Variants in ZPBP observed in about 807,000 individuals in gnomAD.
ZPBP encodes zona pellucida-binding protein 1.
ZPBP carries 26 observed loss-of-function variants against 44.8 expected under a neutral mutation model. The ratio of observed to expected loss-of-function variants is 0.58; its 90% CI spans 0.43 to 0.81. The LOEUF (loss-of-function observed/expected upper bound fraction) is 0.81, where lower values mean the gene tolerates loss of function less well. Ranked by LOEUF, ZPBP falls within the 30% of genes least tolerant of loss-of-function variation. The pLI, the probability that ZPBP is intolerant of heterozygous loss-of-function variation, is 0.00. For synonymous variants in ZPBP, 174 were observed against 153.2 expected (o/e 1.14, Z -1.00); for missense variants, 409 against 434.0 (o/e 0.94, Z 0.51).
At chr7:50,001,138 T>G (rs1192502338) in intron 6 of ZPBP, among the ~76,000 whole-genome samples, 1 of 152,184 alleles carries the variant, frequency 6.6e-6, no homozygotes, top group East Asian at 1.9e-4. Context: ...TTATACTGTT[T>G]AAGCCTGCTG....
In ZPBP at chr7:49,917,000, C is replaced by G. The variant is rs147811190; in HGVS notation, n.412-15785G>C. On this transcript the variant is annotated intron_variant and non_coding_transcript_variant, in intron 1 of 2. Transcript: ENST00000465922. ...ACTGGCCCTTTATGATAAAGGAAGT[C>G]AAGTTTACAGTTTTGATATTTGTTT... 2.0e-5 allele frequency: 3 copies of G among 152,298 alleles called. No homozygotes were observed. The East Asian group carries it at 5.8e-4, about 29-fold the overall frequency. 9.4% of individuals were successfully genotyped at this position (152,298 alleles called of 1,614,324 possible).
intron 6 of ZPBP, among the ~76,000 whole-genome samples, chr7:49,993,868 G>A (rs1175906907): frequency 6.8e-6 from 1 of 148,136 alleles, no homozygotes; most frequent in Non-Finnish European, 1.5e-5. Flanking sequence ...ATGACTGGTA[G>A]CTGAGGAGAA....
At chr7:49,871,865 A>T (rs1241985782) in intron 2 of ZPBP, among the ~76,000 whole-genome samples, 1 of 148,126 alleles carries the variant, frequency 6.8e-6, no homozygotes, top group Non-Finnish European at 1.5e-5. Flanking sequence ...ATACATACAT[A>T]TGTGCATATA....
intron 2 of ZPBP, among the ~76,000 whole-genome samples, chr7:49,899,615 A>C (rs1011695245): frequency 1.3e-5 from 2 of 152,056 alleles, no homozygotes; most frequent in Non-Finnish European, 2.9e-5. Flanking sequence ...CAATTATTCA[A>C]GAAGACACAC....
chr7:49,973,042 G>T (rs547159654), intron 7 of ZPBP, among the ~76,000 whole-genome samples: 30 of 151,878 alleles, frequency 2.0e-4, no homozygotes, highest in African/African-American at 7.0e-4. Context: ...GAATGAAGTT[G>T]GACCCTTAAC....
At chr7:49,995,206 C>T (rs931128706) in intron 6 of ZPBP, among the ~76,000 whole-genome samples, 1 of 152,182 alleles carries the variant, frequency 6.6e-6, no homozygotes. Context: ...AATGGACCAG[C>T]GTGATATCTT....
chr7:50,013,107 G>T (rs1260128311), intron 6 of ZPBP, among the ~76,000 whole-genome samples: 1 of 151,798 alleles, frequency 6.6e-6, no homozygotes, highest in African/African-American at 2.4e-5. Context: ...AATGCAAAAA[G>T]AAGATAATTT....
At chr7:49,943,258 C>A in intron 7 of ZPBP, 1 of 298,974 alleles carries the variant, frequency 3.3e-6, no homozygotes. Context: ...AGTACAACAT[C>A]AATGCAGTCT....
intron 3 of ZPBP, among the ~76,000 whole-genome samples, chr7:50,065,943 A>C (rs566583498): frequency 6.6e-6 from 1 of 151,224 alleles, no homozygotes; most frequent in African/African-American, 2.4e-5. Flanking sequence ...AGTAAAATTT[A>C]AAGAACTGCA....
At chr7:49,996,087 G>C (rs1009576622) in intron 6 of ZPBP, among the ~76,000 whole-genome samples, 1 of 152,162 alleles carries the variant, frequency 6.6e-6, no homozygotes, top group Non-Finnish European at 1.5e-5. Flanking sequence ...TGATCATTAT[G>C]CATTCTATAC....
At chr7:49,862,860 A>G (rs1227951750) in intron 2 of ZPBP, among the ~76,000 whole-genome samples, 1 of 151,990 alleles carries the variant, frequency 6.6e-6, no homozygotes, top group Non-Finnish European at 1.5e-5. Context: ...ATGCTGTTGT[A>G]TTCACTTTGC....
intron 7 of ZPBP, among the ~76,000 whole-genome samples, chr7:49,981,474 T>C (rs1277777274): frequency 1.4e-5 from 1 of 72,774 alleles, no homozygotes; most frequent in East Asian, 4.3e-4. Context: ...TATATAATTA[T>C]ATATAATATA....
Position 49,983,496 on chromosome 7 carries a change from A to C in ZPBP, c.807T>G (p.Phe269Leu). The change falls in exon 7 of 8, where the codon TTT becomes TTG. Residue 269 changes from phenylalanine (F) to leucine (L), a missense_variant. Transcript: ENST00000046087. The stretch of plus-strand genomic sequence containing the variant: ...CAAGAATTTCTACTTGTTGATTAAA[A>C]AATCTCTCTATGAGATTTTTAGCCT... ...LFKAKNLIER[F>L]FNQQVEILGR... 1 of 1,605,976 alleles carries C rather than the reference A, an allele frequency of 6.2e-7. No individual in the cohort carries two copies. Among genetic ancestry groups the C allele is most frequent in the Non-Finnish European group, 8.5e-7 (1 of 1,174,600 alleles).
intron 6 of ZPBP, among the ~76,000 whole-genome samples, chr7:49,995,841 T>C (rs956588638): frequency 5.9e-5 from 9 of 152,022 alleles, no homozygotes; most frequent in African/African-American, 1.9e-4. Context: ...AGGTAGAAAG[T>C]AGAATGACAG....
intron 2 of ZPBP, among the ~76,000 whole-genome samples, chr7:49,874,056 T>C (rs1319152993): frequency 6.6e-6 from 1 of 151,800 alleles, no homozygotes. Flanking sequence ...CATGGCATAT[T>C]TTGCTAGTGG....
At chr7:49,920,530 T>G (rs1793971128) in intron 1 of ZPBP, 2 of 152,192 alleles carry the variant, frequency 1.3e-5, no homozygotes, top group African/African-American at 4.8e-5. Context: ...AAGTCAGACT[T>G]AAGTCCACGG....
chr7:50,034,983 C>G (rs1420993403), intron 4 of ZPBP, among the ~76,000 whole-genome samples: 1 of 152,216 alleles, frequency 6.6e-6, no homozygotes, highest in African/African-American at 2.4e-5. Context: ...CTGCCTTAGC[C>G]TCTATTTGCC....
intron 4 of ZPBP, among the ~76,000 whole-genome samples, chr7:50,036,159 CTTTG>C (rs1273066490): frequency 1.3e-5 from 2 of 152,092 alleles, no homozygotes; most frequent in African/African-American, 2.4e-5. Flanking sequence ...AAATATGTTT[CTTTG>C]TTTGTTTTGA....
intron 5 of ZPBP, among the ~76,000 whole-genome samples, chr7:50,028,790 G>A (rs1799454170): frequency 6.6e-6 from 1 of 151,966 alleles, no homozygotes; most frequent in Non-Finnish European, 1.5e-5. Flanking sequence ...AGAGTTACAG[G>A]ACTATAGTTA....
Sources: gnomAD v4.1 joint callset for allele counts (sites outside exome capture counted in the v4.1 genomes callset) on GRCh38, gnomAD v4.1.1 for gene constraint, MANE v1.5 for transcripts, NCBI Gene and HGNC (gene_info 2026-07-23, HGNC 2026-07-21) for gene names.